BICC1: variants seen among roughly 807,000 people sequenced by gnomAD.
BICC1 encodes the protein protein bicaudal C homolog 1.
In BICC1, 43 loss-of-function variants were observed where a neutral mutation model predicts 111.0. The ratio of observed to expected loss-of-function variants is 0.39; its 90% CI spans 0.30 to 0.50. The LOEUF is 0.50. BICC1 is among the 20% of genes least tolerant of loss of function. The pLI is 0.88. For synonymous variants in BICC1, 467 were observed against 434.4 expected (o/e 1.07, Z -0.93); for missense variants, 1,091 against 1,203.2 (o/e 0.91, Z 1.38).
At chr10:58,667,499 TC>T (rs56747633) in intron 2 of BICC1, among the ~76,000 whole-genome samples, 152,016 of 152,020 alleles carry the variant, frequency 1, 76,006 homozygotes, top group Middle Eastern at 1. Flanking sequence ...TTCTTATATT[TC>T]CCTTTCAAAG....
intron 1 of BICC1, among the ~76,000 whole-genome samples, chr10:58,551,096 T>C (rs1307036411): frequency 6.6e-6 from 1 of 152,168 alleles, no homozygotes; most frequent in Non-Finnish European, 1.5e-5. Context: ...CCTTTTTATC[T>C]GTTCCCCTGA....
At chr10:58,540,834 C>T (rs1589077936) in intron 1 of BICC1, among the ~76,000 whole-genome samples, 1 of 152,200 alleles carries the variant, frequency 6.6e-6, no homozygotes, top group East Asian at 1.9e-4. Flanking sequence ...CTGAATTCAA[C>T]ACCACATTGA....
chr10:58,715,404 T>TAC, intron 3 of BICC1: 2 of 590,096 alleles, frequency 3.4e-6, no homozygotes, highest in East Asian at 2.9e-5. Context: ...GGGCTTATTC[T>TAC]ACACACACAT....
intron 1 of BICC1, among the ~76,000 whole-genome samples, chr10:58,515,962 ATAATTTTG>A (rs1842231759): frequency 6.6e-6 from 1 of 152,226 alleles, no homozygotes. Context: ...GGGGAACAAA[ATAATTTTG>A]CAGGTTCATA....
At chr10:58,684,212 C>A (rs1207744130) in intron 2 of BICC1, among the ~76,000 whole-genome samples, 1 of 151,900 alleles carries the variant, frequency 6.6e-6, no homozygotes, top group Non-Finnish European at 1.5e-5. Context: ...GCCTTGTATC[C>A]CAGGGATGAA....
Position 58,702,069 on chromosome 10 carries a change from T to C in BICC1, c.238-5T>C, listed in dbSNP as rs367743201. On this transcript the variant is annotated splice_region_variant and splice_polypyrimidine_tract_variant and intron_variant, in intron 2 of 20. Transcript: ENST00000373886. ...AGTCAATATTTCTCTCAATTTTTGT[T>C]ACAGATCATGGAGGAAACAAATACG... The C allele has an allele frequency of 6.2e-5, 99 of 1,607,556 alleles. No homozygotes were observed. Among genetic ancestry groups the C allele is most frequent in the Non-Finnish European group, 8.3e-5 (98 of 1,176,662 alleles).
chr10:58,620,006 G>A lies in BICC1; in HGVS notation c.191-849G>A, dbSNP rs575762447. Among the ~76,000 whole-genome samples the A allele has an allele frequency of 4.0e-4, 61 of 152,272 alleles. No homozygotes were observed. The South Asian group carries it at 0.012, about 31-fold the overall frequency. ...TCAGTACCTTTCTTTGTCCTGGCCA[G>A]GCTTCTCTCATTAATCACTATTCCA... On this transcript the variant is annotated intron_variant, in intron 1 of 20. Transcript: ENST00000373886.
intron 17 of BICC1, among the ~76,000 whole-genome samples, chr10:58,812,773 C>T (rs749605190): frequency 8.5e-5 from 13 of 152,218 alleles, no homozygotes; most frequent in East Asian, 3.9e-4. Context: ...CCACTGCACC[C>T]GGCCTATGAT....
chr10:58,808,140 C>T lies in BICC1; in HGVS notation c.2376+982C>T, dbSNP rs542978660. On this transcript the variant is annotated intron_variant, in intron 17 of 20. Coordinates refer to ENST00000373886, the MANE Select transcript of BICC1 (RefSeq NM_001080512.3). ...AATACTATTGAAATACTAAAAGAGTCTCCTGTGAATTTCATTTTGGGAGTT... is the reference window on the plus strand; with the variant it reads ...AATACTATTGAAATACTAAAAGAGTTTCCTGTGAATTTCATTTTGGGAGTT... Among the ~76,000 whole-genome samples, 4 of 150,236 alleles carry T rather than the reference C, an allele frequency of 2.7e-5. No homozygotes were observed. In the East Asian group the frequency reaches 7.8e-4, roughly 29 times the overall value.
chr10:58,719,171 A>T (rs1325833513), intron 3 of BICC1, among the ~76,000 whole-genome samples: 1 of 152,148 alleles, frequency 6.6e-6, no homozygotes, highest in Non-Finnish European at 1.5e-5. Flanking sequence ...AACAAAATTC[A>T]CCTTCTGTGC....
intron 2 of BICC1, among the ~76,000 whole-genome samples, chr10:58,691,952 T>G (rs1328500055): frequency 6.6e-6 from 1 of 152,236 alleles, no homozygotes; most frequent in Non-Finnish European, 1.5e-5. Context: ...TTGGAAAGCC[T>G]TACATAATTG....
intron 20 of BICC1, among the ~76,000 whole-genome samples, chr10:58,822,145 T>C (rs967559118): frequency 2.6e-5 from 4 of 152,196 alleles, no homozygotes; most frequent in South Asian, 2.1e-4. Flanking sequence ...GATTAACTTA[T>C]GCATTCACCA....
At chr10:58,609,622 A>T (rs968903035) in intron 1 of BICC1, among the ~76,000 whole-genome samples, 1 of 152,230 alleles carries the variant, frequency 6.6e-6, no homozygotes, top group Non-Finnish European at 1.5e-5. Context: ...AAGATTTTTT[A>T]CATTCTTTTT....
chr10:58,594,931 G>A (rs1844762745), intron 1 of BICC1, among the ~76,000 whole-genome samples: 1 of 152,168 alleles, frequency 6.6e-6, no homozygotes, highest in African/African-American at 2.4e-5. Context: ...CTGGCAAATT[G>A]GATAAAGAGT....
rs931311333 is a variant in BICC1, at chr10:58,830,078, T to C, written c.*1187T>C. 8 of 151,994 alleles carry C rather than the reference T, an allele frequency of 5.3e-5. No individual in the cohort carries two copies. Among genetic ancestry groups the C allele is most frequent in the Admixed American group, 6.6e-5 (1 of 15,236 alleles). The allele number at this position is 151,994 out of a possible 1,614,324, so 9.4% of individuals were successfully genotyped here. On this transcript the variant is annotated 3_prime_UTR_variant, in exon 21 of 21. Coordinates refer to ENST00000373886, the MANE Select transcript of BICC1 (RefSeq NM_001080512.3). Reference sequence around the variant, plus strand: ...TATCTGTCTGCTTGAAGTAGACTTATGTTTGTTGAGAATGAACAGGCTTAT... The same window carrying C: ...TATCTGTCTGCTTGAAGTAGACTTACGTTTGTTGAGAATGAACAGGCTTAT...
In BICC1 at chr10:58,814,055, A is replaced by G. The variant is rs750602576; in HGVS notation, c.2533+69A>G. 3.8e-6 allele frequency: 6 copies of G among 1,559,926 alleles called. No homozygotes were observed. In the African/African-American group the frequency reaches 5.4e-5, roughly 14 times the overall value. ...AGAATGTGTTTATTTGGGTTGGAGT[A>G]TCACTGACTGTGGCCTCTCTGACTT... On this transcript the variant is annotated intron_variant, in intron 18 of 20. Transcript: ENST00000373886.
intron 3 of BICC1, among the ~76,000 whole-genome samples, chr10:58,718,106 G>C (rs1840805850): frequency 6.6e-6 from 1 of 152,100 alleles, no homozygotes; most frequent in African/African-American, 2.4e-5. Context: ...CCCTATGTTA[G>C]TGAGTTGTTG....
chr10:58,518,538 TTTTTTTC>T (rs1842301862), intron 1 of BICC1, among the ~76,000 whole-genome samples: 2 of 145,704 alleles, frequency 1.4e-5, no homozygotes, highest in African/African-American at 5.0e-5. Flanking sequence ...TTGCCAAGTC[TTTTTTTC>T]TTTTTTCTTC....
At chr10:58,627,787 G>GT (rs1837675797) in intron 2 of BICC1, among the ~76,000 whole-genome samples, 1 of 152,000 alleles carries the variant, frequency 6.6e-6, no homozygotes. Flanking sequence ...AATATATTAC[G>GT]TAGAACATTA....
Sources: gnomAD v4.1 joint callset for allele counts (sites outside exome capture counted in the v4.1 genomes callset) on GRCh38, gnomAD v4.1.1 for gene constraint, MANE v1.5 for transcripts, NCBI Gene and HGNC (gene_info 2026-07-23, HGNC 2026-07-21) for gene names.